Variants in HERC3 observed in about 807,000 individuals in gnomAD.
HERC3 encodes the protein probable E3 ubiquitin-protein ligase HERC3.
HERC3 carries 58 observed loss-of-function variants against 129.9 expected under a neutral mutation model. That is an observed-to-expected ratio of 0.45 (90% CI 0.36 to 0.56). The LOEUF (loss-of-function observed/expected upper bound fraction) is 0.56. Ranked by LOEUF, HERC3 falls within the 20% of genes least tolerant of loss-of-function variation. The pLI, the probability that HERC3 is intolerant of heterozygous loss-of-function variation, is 0.00. For synonymous variants in HERC3, 430 were observed against 451.0 expected (o/e 0.95, Z 0.59); for missense variants, 835 against 1,244.2 (o/e 0.67, Z 4.95).
At chr4:88,663,998 T>A (rs1360719072) in intron 11 of HERC3, among the ~76,000 whole-genome samples, 155 bp from the exon 12 acceptor site, 1 of 152,206 alleles carries the variant, frequency 6.6e-6, no homozygotes, top group Non-Finnish European at 1.5e-5. Flanking sequence ...ACATCCTGTT[T>A]TTCTAAAGCA....
intron 18 of HERC3, 79 bp from the exon 19 acceptor site, chr4:88,677,881 CCCAA>C: frequency 7.8e-7 from 1 of 1,284,170 alleles, no homozygotes; most frequent in East Asian, 2.3e-5. Flanking sequence ...AGTCAGCGCC[CCCAA>C]GTCCAGAAGC....
intron 2 of HERC3, among the ~76,000 whole-genome samples, chr4:88,599,336 T>C (rs150275486): frequency 1.2e-4 from 19 of 152,322 alleles, no homozygotes; most frequent in Non-Finnish European, 1.8e-4. Flanking sequence ...TGATAGTTTA[T>C]TTACAGATAC....
the HERC3 span, among the ~76,000 whole-genome samples, chr4:88,559,220 C>T: frequency 6.6e-6 from 1 of 152,132 alleles, no homozygotes; most frequent in Non-Finnish European, 1.5e-5. Flanking sequence ...AATAATGGAA[C>T]ACTAGGCATA....
intron 2 of HERC3, among the ~76,000 whole-genome samples, chr4:88,601,735 T>C (rs1285346492): frequency 6.6e-6 from 1 of 152,208 alleles, no homozygotes. Context: ...ATGGAGAGAC[T>C]AGCATGTTTA....
At chr4:88,644,476 G>C (rs1348081276) in intron 3 of HERC3, among the ~76,000 whole-genome samples, 1 of 152,168 alleles carries the variant, frequency 6.6e-6, no homozygotes, top group Non-Finnish European at 1.5e-5. Flanking sequence ...GAATCTCAGA[G>C]GCATTATGAG....
chr4:88,687,306 C>T lies in HERC3; in HGVS notation c.2657+7C>T. Reference sequence around the variant, plus strand: ...CTGTGTGCAAGGATAACAGGTTAGTCCTGACCTTGGACTGTTGCAGATACT... The same window carrying T: ...CTGTGTGCAAGGATAACAGGTTAGTTCTGACCTTGGACTGTTGCAGATACT... On this transcript the variant is annotated splice_region_variant and intron_variant, in intron 23 of 25. Transcript: ENST00000402738. 1 of 1,594,414 alleles carries T rather than the reference C, an allele frequency of 6.3e-7. No homozygotes were observed. Among genetic ancestry groups the T allele is most frequent in the Non-Finnish European group, 8.6e-7 (1 of 1,165,002 alleles).
chr4:88,694,466 T>C (rs1734390427), intron 23 of HERC3, among the ~76,000 whole-genome samples: 1 of 152,226 alleles, frequency 6.6e-6, no homozygotes, highest in African/African-American at 2.4e-5. Flanking sequence ...TTTTGTGTTG[T>C]CATGTGTGTT....
At chr4:88,612,002 C>G (rs1724380079) in intron 3 of HERC3, among the ~76,000 whole-genome samples, 2 of 152,136 alleles carry the variant, frequency 1.3e-5, no homozygotes, top group African/African-American at 4.8e-5. Context: ...CTAATGTGTG[C>G]CTTGATTCTG....
In HERC3 at chr4:88,707,256, G is replaced by A. The variant is rs531477039; in HGVS notation, c.*296G>A. 1.2e-5 allele frequency: 4 copies of A among 332,620 alleles called. No homozygotes were observed. In the South Asian group the frequency reaches 1.6e-4, roughly 14 times the overall value. 20.6% of individuals were successfully genotyped at this position (332,620 alleles called of 1,614,324 possible). A position where few individuals can be genotyped will look rare whatever the true frequency, so the allele number is the denominator to read the frequency against. ...CTTGTGAATGTGTTGCACTCTGCTG[G>A]ATGAAATGGCAGTGGATTTTTAAAC... On this transcript the variant is annotated 3_prime_UTR_variant, in exon 26 of 26. Transcript: ENST00000402738.
intron 2 of HERC3, among the ~76,000 whole-genome samples, chr4:88,599,092 A>G (rs1560656918): frequency 6.6e-6 from 1 of 152,218 alleles, no homozygotes; most frequent in Non-Finnish European, 1.5e-5. Context: ...TTGGAGATCA[A>G]AATGCCCAGC....
intron 19 of HERC3, among the ~76,000 whole-genome samples, chr4:88,679,358 G>A (rs935290008): frequency 2.6e-5 from 4 of 152,072 alleles, no homozygotes; most frequent in Non-Finnish European, 4.4e-5. Context: ...CCTATTGAGC[G>A]TGATTTCTCC....
intron 4 of HERC3, among the ~76,000 whole-genome samples, chr4:88,650,661 A>G (rs1729170964): frequency 6.6e-6 from 1 of 152,162 alleles, no homozygotes; most frequent in Non-Finnish European, 1.5e-5. Flanking sequence ...CCTTTATTCA[A>G]TTCTTACTCC....
At chr4:88,704,349 C>T in intron 24 of HERC3, 68 bp downstream of exon 24, 1 of 1,513,120 alleles carries the variant, frequency 6.6e-7, no homozygotes, top group Non-Finnish European at 9.1e-7. Flanking sequence ...GAGGTGTTCC[C>T]AGAGCCTGGT....
intron 3 of HERC3, among the ~76,000 whole-genome samples, chr4:88,639,918 A>G (rs944107879): frequency 2.6e-5 from 4 of 152,334 alleles, no homozygotes; most frequent in African/African-American, 9.6e-5. Context: ...AAGTGGGCAA[A>G]GGATATGAAC....
intron 3 of HERC3, among the ~76,000 whole-genome samples, chr4:88,615,945 A>G (rs1310844294): frequency 6.6e-6 from 1 of 152,206 alleles, no homozygotes; most frequent in Non-Finnish European, 1.5e-5. Context: ...CTATTCCAGC[A>G]TATTAACAAA....
At chr4:88,701,077 C>T (rs1735276365) in intron 23 of HERC3, among the ~76,000 whole-genome samples, 2 of 152,186 alleles carry the variant, frequency 1.3e-5, no homozygotes, top group Non-Finnish European at 1.5e-5. Flanking sequence ...TTAACCATCA[C>T]AGTCTGTAAT....
chr4:88,594,206 A>G (rs1366288517), intron 1 of HERC3, among the ~76,000 whole-genome samples: 1 of 152,234 alleles, frequency 6.6e-6, no homozygotes, highest in East Asian at 1.9e-4. Flanking sequence ...GCCATTCGTT[A>G]TAGCATTTCA....
At chr4:88,558,071 C>CAAAAAAAAAAAAAAAAAAAAA in the HERC3 span, among the ~76,000 whole-genome samples, 6 of 39,150 alleles carry the variant, frequency 1.5e-4, no homozygotes, top group Non-Finnish European at 2.0e-4. Context: ...GACTCTGACT[C>CAAAAAAAAAAAAAAAAAAAAA]AAAAAAAAAA....
intron 3 of HERC3, among the ~76,000 whole-genome samples, chr4:88,644,231 C>CT (rs1158867607): frequency 2.6e-5 from 4 of 151,928 alleles, no homozygotes; most frequent in African/African-American, 4.8e-5. Flanking sequence ...TTTTTTCTTT[C>CT]TTTTTTTTAA....
Sources: allele counts gnomAD v4.1 joint callset (sites outside exome capture counted in the v4.1 genomes callset), GRCh38; gene constraint gnomAD v4.1.1; transcripts MANE v1.5; gene names NCBI Gene and HGNC (gene_info 2026-07-23, HGNC 2026-07-21).